Variants in RARB observed in about 807,000 individuals in gnomAD.
RARB encodes HBV-activated protein.
A neutral mutation model predicts 51.9 loss-of-function variants in RARB; 17 were observed. The observed-to-expected ratio is 0.33, with a 90% CI of 0.22 to 0.49. The LOEUF (loss-of-function observed/expected upper bound fraction) is 0.49. RARB is among the 20% of genes least tolerant of loss of function. RARB has a pLI of 0.99. For synonymous variants in RARB, 215 were observed against 195.4 expected (o/e 1.10, Z -0.84); for missense variants, 369 against 550.8 (o/e 0.67, Z 3.30).
At chr3:25,486,694 A>G (rs1696491245) in intron 2 of RARB, among the ~76,000 whole-genome samples, 1 of 152,144 alleles carries the variant, frequency 6.6e-6, no homozygotes, top group Non-Finnish European at 1.5e-5. Context: ...TGAGTTTGGA[A>G]GGGTCTTTTA....
At chr3:25,517,260 T>A (rs1698208452) in intron 3 of RARB, among the ~76,000 whole-genome samples, 1 of 152,110 alleles carries the variant, frequency 6.6e-6, no homozygotes, top group South Asian at 2.1e-4. Flanking sequence ...CAATGAGGCT[T>A]ACAAAAGTAA....
At chr3:25,547,184 TG>T (rs1699651502) in intron 3 of RARB, among the ~76,000 whole-genome samples, 1 of 152,170 alleles carries the variant, frequency 6.6e-6, no homozygotes, top group Non-Finnish European at 1.5e-5. Context: ...GGAGAAGGCC[TG>T]GGAGAGTTTG....
At chr3:25,430,527 A>G (rs1708161149) in intron 1 of RARB, among the ~76,000 whole-genome samples, 1 of 152,202 alleles carries the variant, frequency 6.6e-6, no homozygotes, top group Admixed American at 6.5e-5. Context: ...ACATGTAGAC[A>G]TTCTTCCTTT....
At chr3:25,339,462 A>G (rs1375073129) in intron 5 of RARB, among the ~76,000 whole-genome samples, 1 of 152,138 alleles carries the variant, frequency 6.6e-6, no homozygotes, top group Non-Finnish European at 1.5e-5. Context: ...TTTTCTGTCC[A>G]TAAATCTTCC....
chr3:24,859,778 G>A (rs1304127352), intron 2 of RARB, among the ~76,000 whole-genome samples: 1 of 152,138 alleles, frequency 6.6e-6, no homozygotes, highest in Non-Finnish European at 1.5e-5. Flanking sequence ...TGGGCCATAT[G>A]GTCTGTCACA....
intron 5 of RARB, among the ~76,000 whole-genome samples, chr3:25,291,574 G>A (rs1336152245): frequency 6.7e-6 from 1 of 149,440 alleles, no homozygotes; most frequent in Non-Finnish European, 1.5e-5. Flanking sequence ...CTCTGAGATT[G>A]TTAGAGGGGA....
At chr3:25,079,021 A>G (rs893280809) in intron 3 of RARB, among the ~76,000 whole-genome samples, 1 of 151,820 alleles carries the variant, frequency 6.6e-6, no homozygotes, top group Admixed American at 6.6e-5. Flanking sequence ...TAAGCCATGA[A>G]CATGGTATAT....
chr3:25,510,483 G>A (rs537762323), intron 3 of RARB, among the ~76,000 whole-genome samples: 30 of 151,956 alleles, frequency 2.0e-4, no homozygotes, highest in Admixed American at 1.4e-3. Context: ...AAAATTAGCC[G>A]GGCATGGTGG....
intron 3 of RARB, among the ~76,000 whole-genome samples, chr3:25,545,656 C>A (rs980795770): frequency 1.3e-5 from 2 of 152,172 alleles, no homozygotes; most frequent in Admixed American, 6.5e-5. Context: ...CTGCATTGTT[C>A]CTGTCCTGCA....
intron 3 of RARB, among the ~76,000 whole-genome samples, chr3:25,566,069 C>T (rs979331067): frequency 2.0e-5 from 3 of 152,178 alleles, no homozygotes; most frequent in Non-Finnish European, 4.4e-5. Flanking sequence ...GACCAATAGT[C>T]CCAAGAACTT....
intron 2 of RARB, among the ~76,000 whole-genome samples, chr3:24,939,252 AT>A (rs1695608923): frequency 6.6e-6 from 1 of 152,152 alleles, no homozygotes; most frequent in African/African-American, 2.4e-5. Flanking sequence ...TTGTTTCCAC[AT>A]TTTGTGAACA....
chr3:25,269,040 A>G (rs1261455660), intron 5 of RARB, among the ~76,000 whole-genome samples: 1 of 152,200 alleles, frequency 6.6e-6, no homozygotes, highest in Non-Finnish European at 1.5e-5. Context: ...CCAATAGTAT[A>G]TAAAGAATGT....
chr3:25,388,414 G>A (rs1002577178), intron 5 of RARB, among the ~76,000 whole-genome samples: 3 of 152,134 alleles, frequency 2.0e-5, no homozygotes, highest in Admixed American at 1.3e-4. Flanking sequence ...ATTTTGATAT[G>A]TCTTCTTTAA....
At chr3:25,168,177 A>T (rs1169803825) in intron 4 of RARB, among the ~76,000 whole-genome samples, 1 of 152,210 alleles carries the variant, frequency 6.6e-6, no homozygotes, top group Non-Finnish European at 1.5e-5. Flanking sequence ...ATAATATAGT[A>T]AGCAGAATAA....
chr3:25,539,536 T>TA (rs980263703), intron 3 of RARB, among the ~76,000 whole-genome samples: 5 of 149,430 alleles, frequency 3.3e-5, no homozygotes, highest in African/African-American at 1.2e-4. Flanking sequence ...CTCTCTCTTT[T>TA]TTTTTTTTTT....
intron 2 of RARB, among the ~76,000 whole-genome samples, chr3:24,907,757 C>T (rs538589430): frequency 2.0e-5 from 3 of 152,078 alleles, no homozygotes; most frequent in Non-Finnish European, 2.9e-5. Context: ...AAGTAAATAT[C>T]TAGTAAACCC....
chr3:24,914,135 T>C (rs1402596046), intron 2 of RARB, among the ~76,000 whole-genome samples: 3 of 152,204 alleles, frequency 2.0e-5, no homozygotes, highest in African/African-American at 7.2e-5. Flanking sequence ...TCAAATCATG[T>C]ACCATTCCAC....
intron 5 of RARB, among the ~76,000 whole-genome samples, chr3:25,333,843 C>G (rs936001277): frequency 3.3e-5 from 5 of 152,116 alleles, no homozygotes; most frequent in Non-Finnish European, 7.4e-5. Flanking sequence ...AAAAATGAAA[C>G]AACCCCATCA....
intron 5 of RARB, among the ~76,000 whole-genome samples, chr3:25,191,535 A>AATC (rs575270229): frequency 2.4e-3 from 365 of 152,246 alleles, no homozygotes; most frequent in African/African-American, 8.4e-3. Flanking sequence ...CCAAAAATGG[A>AATC]CAGCTATGAA....
Sources: gnomAD v4.1 joint callset for allele counts (sites outside exome capture counted in the v4.1 genomes callset) on GRCh38, gnomAD v4.1.1 for gene constraint, MANE v1.5 for transcripts, NCBI Gene and HGNC (gene_info 2026-07-23, HGNC 2026-07-21) for gene names.